PTPRG: variants seen among roughly 807,000 people sequenced by gnomAD.
PTPRG encodes the protein receptor-type tyrosine-protein phosphatase gamma.
PTPRG carries 102 observed loss-of-function variants against 165.3 expected under a neutral mutation model. The ratio of observed to expected loss-of-function variants is 0.62; its 90% CI spans 0.53 to 0.73. The LOEUF (loss-of-function observed/expected upper bound fraction) is 0.73. PTPRG is among the 30% of genes least tolerant of loss of function. PTPRG has a pLI of 0.00. For missense variants in PTPRG, 1,866 were observed against 1,861.4 expected (o/e 1.00, Z -0.05); for synonymous variants, 675 against 669.5 (o/e 1.01, Z -0.13).
intron 4 of PTPRG, among the ~76,000 whole-genome samples, chr3:62,036,044 CA>C (rs77250969): frequency 0.022 from 2,540 of 117,602 alleles, 44 homozygotes; most frequent in African/African-American, 0.057. Context: ...TGTCAGTGAC[CA>C]AAAAAAAAAA....
intron 1 of PTPRG, among the ~76,000 whole-genome samples, chr3:61,652,729 C>T (rs1482830299): frequency 6.6e-6 from 1 of 152,174 alleles, no homozygotes; most frequent in African/African-American, 2.4e-5. Flanking sequence ...TGCTGGAGCT[C>T]TTCTGTGCAT....
chr3:61,672,641 G>A (rs1230797655), intron 1 of PTPRG, among the ~76,000 whole-genome samples: 2 of 151,096 alleles, frequency 1.3e-5, no homozygotes, highest in African/African-American at 4.9e-5. Context: ...ATCAGGCAGG[G>A]AGGTTGCAGT....
At chr3:61,749,823 G>C (rs2033360107) in intron 2 of PTPRG, 1 of 152,334 alleles carries the variant, frequency 6.6e-6, no homozygotes, top group Non-Finnish European at 1.5e-5. Flanking sequence ...TGGAGGCATG[G>C]AGTATTAGTC....
chr3:61,683,260 C>T (rs1429683667), intron 1 of PTPRG, among the ~76,000 whole-genome samples: 2 of 152,190 alleles, frequency 1.3e-5, no homozygotes, highest in African/African-American at 4.8e-5. Context: ...GCAGTCCCAA[C>T]CTGGAAACTC....
At chr3:61,932,981 C>G (rs2039397795) in intron 2 of PTPRG, among the ~76,000 whole-genome samples, 1 of 152,146 alleles carries the variant, frequency 6.6e-6, no homozygotes. Flanking sequence ...GCTAAAAAGT[C>G]CAAAATGGTT....
At position 62,255,137 on chromosome 3, in the gene PTPRG, C is replaced by G; in HGVS notation, c.2481C>G (p.Ala827=). 6.2e-7 allele frequency: 1 copy of G among 1,612,268 alleles called. No individual in the cohort carries two copies. Among genetic ancestry groups the G allele is most frequent in the Non-Finnish European group, 8.5e-7 (1 of 1,178,990 alleles). ...TATTCCCCCCAGATGACATGGAAGC[C>G]ATTCCTGTCAAACAGTTTGTCAAAC... ...PIIPIPDDME[A]IPVKQFVKHI... Residue 827 remains alanine, a synonymous_variant, in exon 16 of 30, where the codon GCC becomes GCG. Transcript: ENST00000474889. The surrounding 1 kb of genome is among the most constrained non-coding windows in gnomAD (Gnocchi z 4.0).
At chr3:61,688,975 G>C (rs2029971141) in intron 1 of PTPRG, among the ~76,000 whole-genome samples, 1 of 152,222 alleles carries the variant, frequency 6.6e-6, no homozygotes, top group Admixed American at 6.5e-5. Flanking sequence ...AGAGGGCAGA[G>C]GCTGAGGAAG....
chr3:61,757,679 T>G (rs2033676444), intron 2 of PTPRG, among the ~76,000 whole-genome samples: 1 of 152,344 alleles, frequency 6.6e-6, no homozygotes, highest in Non-Finnish European at 1.5e-5. Flanking sequence ...TGACATAGCA[T>G]AAATCCTAAT....
chr3:61,598,749 G>A (rs1216572212), intron 1 of PTPRG, among the ~76,000 whole-genome samples: 2 of 152,170 alleles, frequency 1.3e-5, no homozygotes, highest in East Asian at 1.9e-4. Flanking sequence ...ATCTGAGAGT[G>A]TAGGCAGAGT....
intron 4 of PTPRG, among the ~76,000 whole-genome samples, chr3:62,011,132 C>G (rs939902940): frequency 6.6e-6 from 1 of 152,164 alleles, no homozygotes; most frequent in African/African-American, 2.4e-5. Context: ...GGCTCCACCC[C>G]ATCCTTCCAG....
Position 62,014,325 on chromosome 3 carries a change from G to C in PTPRG, c.519+10828G>C, listed in dbSNP as rs546267107. ...TGAGCACGGATACTGCTCTGGATAC[G>C]TTTACTGTGATGGATGGAGACCAGC... On this transcript the variant is annotated intron_variant, in intron 4 of 29. Transcript: ENST00000474889. 5.9e-5 allele frequency among the ~76,000 whole-genome samples: 9 copies of C among 152,176 alleles called. No individual in the cohort carries two copies. In the East Asian group the frequency reaches 1.7e-3, roughly 29 times the overall value.
chr3:62,039,497 T>C (rs990693755), intron 4 of PTPRG, among the ~76,000 whole-genome samples: 3 of 152,206 alleles, frequency 2.0e-5, no homozygotes, highest in African/African-American at 7.2e-5. Flanking sequence ...TTTCCAAATA[T>C]TGTGATGGGT....
At chr3:61,586,524 C>T (rs1245820007) in intron 1 of PTPRG, among the ~76,000 whole-genome samples, 1 of 152,136 alleles carries the variant, frequency 6.6e-6, no homozygotes. Context: ...TCCTTCTGTT[C>T]GTTTGCACCA....
chr3:61,673,847 T>C (rs1703118310), intron 1 of PTPRG, among the ~76,000 whole-genome samples: 1 of 152,254 alleles, frequency 6.6e-6, no homozygotes, highest in Non-Finnish European at 1.5e-5. Context: ...AAATAGAAAC[T>C]TGGCTTTGTC....
chr3:61,589,896 A>G (rs1399326383), intron 1 of PTPRG, among the ~76,000 whole-genome samples: 1 of 152,168 alleles, frequency 6.6e-6, no homozygotes, highest in Non-Finnish European at 1.5e-5. Flanking sequence ...ACTAGACTAG[A>G]TTTATAGAAA....
At chr3:61,800,503 C>T (rs1369038746) in intron 2 of PTPRG, among the ~76,000 whole-genome samples, 2 of 152,004 alleles carry the variant, frequency 1.3e-5, no homozygotes, top group African/African-American at 2.4e-5. Context: ...AAGTTACCTC[C>T]ATGCCAGAGA....
chr3:61,615,338 G>A (rs942971134), intron 1 of PTPRG, among the ~76,000 whole-genome samples: 1 of 152,152 alleles, frequency 6.6e-6, no homozygotes, highest in African/African-American at 2.4e-5. Flanking sequence ...CGATACTTTT[G>A]AAGGTAACAC....
At chr3:62,186,169 CTGAA>C (rs1456316939) in intron 8 of PTPRG, among the ~76,000 whole-genome samples, 1 of 152,092 alleles carries the variant, frequency 6.6e-6, no homozygotes, top group Non-Finnish European at 1.5e-5. Context: ...CCTCTGTAGA[CTGAA>C]TGCTTTTCTT....
At chr3:61,818,889 G>GAATAGTGA (rs140709505) in intron 2 of PTPRG, among the ~76,000 whole-genome samples, 1 of 133,218 alleles carries the variant, frequency 7.5e-6, no homozygotes, top group Non-Finnish European at 1.6e-5. Flanking sequence ...GTGAAATAGT[G>GAATAGTGA]AATAGTGAAA....
Sources: gnomAD v4.1 joint callset for allele counts (sites outside exome capture counted in the v4.1 genomes callset) on GRCh38, gnomAD v4.1.1 for gene constraint, Gnocchi (gnomAD v3.1) non-coding constraint, MANE v1.5 for transcripts, NCBI Gene and HGNC (gene_info 2026-07-23, HGNC 2026-07-21) for gene names.